SPECC1: variants seen among roughly 807,000 people sequenced by gnomAD.
The protein encoded by SPECC1 is cytospin-B.
SPECC1 carries 62 observed loss-of-function variants against 104.1 expected under a neutral mutation model. The ratio of observed to expected loss-of-function variants is 0.60; its 90% CI spans 0.49 to 0.74. The LOEUF (loss-of-function observed/expected upper bound fraction) is 0.74, where lower values mean the gene tolerates loss of function less well. SPECC1 is among the 30% of genes least tolerant of loss of function. The pLI, the probability that SPECC1 is intolerant of heterozygous loss-of-function variation, is 0.00. For missense variants in SPECC1, 1,306 were observed against 1,310.5 expected, an observed-to-expected ratio of 1.00 and a Z score of 0.05; for synonymous variants, 513 against 501.6, an observed-to-expected ratio of 1.02 and a Z score of -0.30.
Position 20,296,981 on chromosome 17 carries a change from C to T in SPECC1, c.2961C>T (p.Phe987=). 1 of 1,614,174 alleles carries T rather than the reference C, an allele frequency of 6.2e-7. No homozygotes were observed. The highest frequency in any genetic ancestry group is 8.5e-7 in the Non-Finnish European group (1 of 1,180,030). ...QGYANIDITN[F]SSSWSDGLAF... ...TGCAGAACATTGACATCACCAATTT[C>T]AGCAGCAGCTGGAGCGATGGCCTGG... Residue 987 remains phenylalanine (F), a synonymous_variant, in exon 13 of 15, where the codon TTC becomes TTT. Transcript: ENST00000395527.
chr17:20,268,776 C>T (rs1265903417), intron 12 of SPECC1, among the ~76,000 whole-genome samples: 1 of 152,134 alleles, frequency 6.6e-6, no homozygotes, highest in Non-Finnish European at 1.5e-5. Flanking sequence ...GCAAGGCTTT[C>T]CCATGTTGTG....
intron 1 of SPECC1, among the ~76,000 whole-genome samples, chr17:20,021,164 G>T (rs1444350644): frequency 6.6e-6 from 1 of 151,988 alleles, no homozygotes; most frequent in African/African-American, 2.4e-5. Flanking sequence ...AGTAGGCTGA[G>T]GGGGAGGAGG....
intron 1 of SPECC1, among the ~76,000 whole-genome samples, chr17:20,058,538 A>T (rs1373329135): frequency 6.6e-6 from 1 of 152,132 alleles, no homozygotes; most frequent in Non-Finnish European, 1.5e-5. Context: ...GCGTGCCTGT[A>T]GTCCCAGCTA....
intron 4 of SPECC1, among the ~76,000 whole-genome samples, chr17:20,221,133 T>C (rs1598014535): frequency 6.6e-6 from 1 of 152,200 alleles, no homozygotes; most frequent in African/African-American, 2.4e-5. Context: ...CTTTTTTTCA[T>C]GTATCTTTCT....
chr17:20,021,327 A>G (rs2044367153), intron 1 of SPECC1, among the ~76,000 whole-genome samples: 1 of 152,042 alleles, frequency 6.6e-6, no homozygotes, highest in South Asian at 2.1e-4. Context: ...GAATGGCATC[A>G]TGTTCTAGCC....
intron 3 of SPECC1, among the ~76,000 whole-genome samples, chr17:20,194,440 C>CA (rs1274011747): frequency 6.6e-6 from 1 of 151,278 alleles, no homozygotes; most frequent in Non-Finnish European, 1.5e-5. Flanking sequence ...CACACCATTC[C>CA]AGTCAAAACC....
chr17:20,010,690 C>T (rs1271152201), intron 1 of SPECC1, among the ~76,000 whole-genome samples: 2 of 152,222 alleles, frequency 1.3e-5, no homozygotes, highest in Non-Finnish European at 2.9e-5. Context: ...ACAGATGTCT[C>T]TCATGTTTTT....
intron 12 of SPECC1, among the ~76,000 whole-genome samples, chr17:20,295,762 G>C (rs2142018812): frequency 6.6e-6 from 1 of 152,324 alleles, no homozygotes; most frequent in South Asian, 2.1e-4. Context: ...GCATTTCTCT[G>C]ATGGCCAGTG....
chr17:20,304,189 C>T (rs561972299), intron 13 of SPECC1, among the ~76,000 whole-genome samples: 4 of 137,526 alleles, frequency 2.9e-5, no homozygotes, highest in African/African-American at 1.1e-4. Flanking sequence ...ACTGAGGTAA[C>T]TGAGAAACGA....
intron 3 of SPECC1, among the ~76,000 whole-genome samples, chr17:20,125,954 G>A (rs918441976): frequency 6.6e-5 from 10 of 152,306 alleles, no homozygotes; most frequent in African/African-American, 2.2e-4. Context: ...TGGGGCCAAG[G>A]GTTTTCTGTG....
chr17:20,090,194 T>G (rs985447339), intron 1 of SPECC1, among the ~76,000 whole-genome samples: 1 of 152,178 alleles, frequency 6.6e-6, no homozygotes, highest in Non-Finnish European at 1.5e-5. Context: ...CTCTGTCTTC[T>G]TCCTCCAGCT....
Position 20,286,669 on chromosome 17 carries a change from G to T in SPECC1, c.2941-10292G>T, listed in dbSNP as rs545283677. Among the ~76,000 whole-genome samples, 6 of 152,272 alleles carry T rather than the reference G, an allele frequency of 3.9e-5. No individual in the cohort carries two copies. In the East Asian group the frequency reaches 1.2e-3, roughly 29 times the overall value. On this transcript the variant is annotated intron_variant, in intron 12 of 14. Coordinates refer to ENST00000395527, the MANE Select transcript of SPECC1 (RefSeq NM_001243439.2). ...CCACAAACTGCTGTTTTTCTGCCTG[G>T]TGCCCAGTATATTGGCCCTGCCCAC...
At chr17:20,185,577 A>G (rs1198795348) in intron 3 of SPECC1, among the ~76,000 whole-genome samples, 2 of 152,272 alleles carry the variant, frequency 1.3e-5, no homozygotes, top group African/African-American at 2.4e-5. Flanking sequence ...CTGACCGGCA[A>G]AATGATCAGA....
At chr17:20,037,246 T>C (rs2045125478) in intron 1 of SPECC1, among the ~76,000 whole-genome samples, 1 of 152,158 alleles carries the variant, frequency 6.6e-6, no homozygotes, top group African/African-American at 2.4e-5. Flanking sequence ...TCTATACTCA[T>C]GAAGGATATT....
At chr17:20,121,730 T>C (rs992412980) in intron 3 of SPECC1, among the ~76,000 whole-genome samples, 1 of 152,184 alleles carries the variant, frequency 6.6e-6, no homozygotes, top group South Asian at 2.1e-4. Context: ...AGGTTCCTTG[T>C]GTGCAGGGTC....
intron 1 of SPECC1, among the ~76,000 whole-genome samples, chr17:20,088,700 C>T (rs148889017): frequency 3.3e-5 from 5 of 152,118 alleles, no homozygotes; most frequent in Admixed American, 1.3e-4. Flanking sequence ...AAGGGGTCAG[C>T]GTGGCTCAGC....
In SPECC1 at chr17:20,204,956, A is replaced by T; in HGVS notation, c.907A>T (p.Asn303Tyr). The T allele has an allele frequency of 6.2e-7, 1 of 1,614,204 alleles. No homozygotes were observed. The highest frequency in any genetic ancestry group is 2.2e-5 in the East Asian group (1 of 44,890). The change falls in exon 4 of 15, where the codon AAC becomes TAC. Residue 303 changes from asparagine to tyrosine, a missense_variant. This residue lies in a region of SPECC1 where 1,177 missense variants were observed against 1,139.9 expected (regional missense o/e 1.03). Coordinates refer to ENST00000395527, the MANE Select transcript of SPECC1 (RefSeq NM_001243439.2). Reference protein sequence around the residue: ...MSSDIDEYKKNIHGNALRTSG... With the variant: ...MSSDIDEYKKYIHGNALRTSG... ...CAGTGACATTGATGAGTATAAAAAAAACATACATGGAAATGCATTACGGAC... is the reference window on the plus strand; with the variant it reads ...CAGTGACATTGATGAGTATAAAAAATACATACATGGAAATGCATTACGGAC...
chr17:20,311,444 G>A (rs2041932066), intron 14 of SPECC1, among the ~76,000 whole-genome samples: 1 of 151,862 alleles, frequency 6.6e-6, no homozygotes, highest in Admixed American at 6.6e-5. Flanking sequence ...GGCCTGGGGT[G>A]CAATGGCATG....
intron 1 of SPECC1, among the ~76,000 whole-genome samples, chr17:20,043,949 T>G (rs560943679): frequency 4.2e-4 from 64 of 152,148 alleles, no homozygotes; most frequent in Non-Finnish European, 6.3e-4. Flanking sequence ...TGGCTGACTT[T>G]CTTGGGAGCC....
Sources: allele counts gnomAD v4.1 joint callset (sites outside exome capture counted in the v4.1 genomes callset), GRCh38; gene constraint gnomAD v4.1.1; regional missense constraint gnomAD v4.1.1; transcripts MANE v1.5; gene names NCBI Gene and HGNC (gene_info 2026-07-23, HGNC 2026-07-21).